Variants in CCDC171 observed in about 807,000 individuals in gnomAD.
CCDC171 encodes the protein coiled-coil domain containing 171, also known as coiled-coil domain-containing protein 171.
In CCDC171, 177 loss-of-function variants were observed where a neutral mutation model predicts 168.2. That is an observed-to-expected ratio of 1.05 (90% CI 0.93 to 1.19). The LOEUF (loss-of-function observed/expected upper bound fraction) is 1.19. Ranked by LOEUF, CCDC171 falls within the 50% of genes most tolerant of loss-of-function variation. CCDC171 has a pLI of 0.00. For missense variants in CCDC171, 1,991 were observed against 1,539.0 expected (o/e 1.29, Z -4.91); for synonymous variants, 687 against 540.8 (o/e 1.27, Z -3.75).
At chr9:15,794,397 A>G (rs1018295162) in intron 21 of CCDC171, among the ~76,000 whole-genome samples, 1 of 152,106 alleles carries the variant, frequency 6.6e-6, no homozygotes, top group Non-Finnish European at 1.5e-5. Flanking sequence ...CCCGGGAGGC[A>G]GAGGTTGTAG....
intron 6 of CCDC171, among the ~76,000 whole-genome samples, chr9:15,598,089 C>G (rs1400419819): frequency 6.6e-6 from 1 of 151,966 alleles, no homozygotes; most frequent in East Asian, 1.9e-4. Context: ...TTGATCTTTT[C>G]AAAAAACCAC....
chr9:15,751,097 G>A (rs2055707553), intron 18 of CCDC171, among the ~76,000 whole-genome samples: 1 of 152,144 alleles, frequency 6.6e-6, no homozygotes, highest in African/African-American at 2.4e-5. Context: ...CAAAATCAAT[G>A]TGCAAAAATC....
At chr9:15,643,832 C>A (rs2046826798) in intron 7 of CCDC171, among the ~76,000 whole-genome samples, 2 of 152,142 alleles carry the variant, frequency 1.3e-5, no homozygotes, top group African/African-American at 4.8e-5. Flanking sequence ...AGCATGTGGT[C>A]TTTTGTATTT....
intron 6 of CCDC171, among the ~76,000 whole-genome samples, chr9:16,024,466 G>C (rs1833236671): frequency 1.3e-5 from 2 of 152,108 alleles, no homozygotes. Flanking sequence ...ACTCCATACG[G>C]AAATGAATTA....
chr9:15,937,216 T>C (rs1394952897), intron 25 of CCDC171, among the ~76,000 whole-genome samples: 1 of 152,072 alleles, frequency 6.6e-6, no homozygotes, highest in African/African-American at 2.4e-5. Flanking sequence ...AATTGCAATT[T>C]TTTTCAACAT....
intron 3 of CCDC171, among the ~76,000 whole-genome samples, chr9:15,999,416 CAGGGAGGG>C (rs1222003160): frequency 7.4e-6 from 1 of 134,672 alleles, no homozygotes; most frequent in Admixed American, 7.8e-5. Context: ...AGAAAGCAAA[CAGGGAGGG>C]AGGGAGGGAG....
At chr9:15,987,447 T>C (rs1192178254) in intron 3 of CCDC171, among the ~76,000 whole-genome samples, 1 of 151,570 alleles carries the variant, frequency 6.6e-6, no homozygotes, top group East Asian at 1.9e-4. Flanking sequence ...AAAGCAACAA[T>C]ATTGTAACAA....
chr9:15,989,200 C>G (rs963160569), intron 3 of CCDC171, among the ~76,000 whole-genome samples: 4 of 152,168 alleles, frequency 2.6e-5, no homozygotes. Flanking sequence ...ACTGACACAC[C>G]ACACGGCAGG....
At chr9:15,754,054 G>A (rs1350995489) in intron 18 of CCDC171, among the ~76,000 whole-genome samples, 1 of 152,052 alleles carries the variant, frequency 6.6e-6, no homozygotes, top group Admixed American at 6.6e-5. Flanking sequence ...AGAAATTTCA[G>A]GTATTTTGAC....
intron 25 of CCDC171, chr9:15,922,034 A>G (rs1825395398): frequency 5.7e-6 from 1 of 174,554 alleles, no homozygotes; most frequent in Admixed American, 5.6e-5. Flanking sequence ...ATCTTAATGA[A>G]AGTGTGTTTA....
At chr9:15,921,740 C>A (rs1276963239) in intron 25 of CCDC171, among the ~76,000 whole-genome samples, 1 of 151,388 alleles carries the variant, frequency 6.6e-6, no homozygotes, top group Non-Finnish European at 1.5e-5. Flanking sequence ...AATTTGACCT[C>A]CACCAAGAGA....
chr9:15,891,379 A>G (rs890102770), intron 24 of CCDC171, among the ~76,000 whole-genome samples: 1 of 152,128 alleles, frequency 6.6e-6, no homozygotes, highest in African/African-American at 2.4e-5. Flanking sequence ...TTTTTGCACT[A>G]ACACTACTCT....
intron 3 of CCDC171, among the ~76,000 whole-genome samples, chr9:16,015,183 T>C (rs1040999407): frequency 2.0e-5 from 3 of 152,216 alleles, no homozygotes. Flanking sequence ...TCTGGATAAC[T>C]TGCTGCAGCT....
At chr9:16,087,041 T>A in the CCDC171 span, among the ~76,000 whole-genome samples, 2 of 152,250 alleles carry the variant, frequency 1.3e-5, no homozygotes. Context: ...TGTGCGGTTT[T>A]GAGTGAGTTT....
chr9:15,978,639 C>T (rs1333892867), downstream of CCDC171, among the ~76,000 whole-genome samples: 2 of 152,138 alleles, frequency 1.3e-5, no homozygotes, highest in Admixed American at 6.6e-5. Flanking sequence ...GGCAGTCACC[C>T]TTTGACTAGA....
intron 24 of CCDC171, among the ~76,000 whole-genome samples, chr9:15,899,234 C>T (rs1023207562): frequency 1.3e-5 from 2 of 152,154 alleles, no homozygotes; most frequent in East Asian, 1.9e-4. Context: ...TTTAGCCATT[C>T]ATTCACTGAA....
intron 3 of CCDC171, among the ~76,000 whole-genome samples, chr9:16,014,295 C>T (rs1473543722): frequency 3.9e-5 from 6 of 152,214 alleles, no homozygotes; most frequent in Admixed American, 3.9e-4. Context: ...CATGAGATTG[C>T]AGAAATTCAG....
chr9:16,037,198 T>C (rs1488881867), intron 8 of CCDC171, among the ~76,000 whole-genome samples: 3 of 152,228 alleles, frequency 2.0e-5, no homozygotes, highest in African/African-American at 7.2e-5. Flanking sequence ...AATATTCTAT[T>C]TACCCTGAAT....
chr9:15,595,322 T>C (rs555870158), intron 6 of CCDC171, among the ~76,000 whole-genome samples: 1 of 152,004 alleles, frequency 6.6e-6, no homozygotes, highest in South Asian at 2.1e-4. Context: ...CAACAGGCCC[T>C]GGTGTGTGAT....
Sources: gnomAD v4.1 joint callset for allele counts (sites outside exome capture counted in the v4.1 genomes callset) on GRCh38, gnomAD v4.1.1 for gene constraint, MANE v1.5 for transcripts, NCBI Gene and HGNC (gene_info 2026-07-23, HGNC 2026-07-21) for gene names.